ZMAT4: variants seen among roughly 807,000 people sequenced by gnomAD.
ZMAT4 encodes zinc finger matrin-type protein 4.
A neutral mutation model predicts 28.7 loss-of-function variants in ZMAT4; 17 were observed. The observed-to-expected ratio is 0.59, with a 90% CI of 0.41 to 0.89. ZMAT4 has a LOEUF of 0.89. Among genes scored for constraint, ZMAT4 ranks in the 40% least tolerant of loss-of-function variants. ZMAT4 has a pLI of 0.00. For synonymous variants in ZMAT4, 117 were observed against 109.2 expected, an observed-to-expected ratio of 1.07 and a Z score of -0.44; for missense variants, 240 against 283.8, an observed-to-expected ratio of 0.85 and a Z score of 1.11.
intron 2 of ZMAT4, among the ~76,000 whole-genome samples, chr8:40,801,352 A>AAAAAAAATATATATATATATATATG (rs774919666): frequency 8.9e-4 from 64 of 72,140 alleles, no homozygotes; most frequent in African/African-American, 2.6e-3. Flanking sequence ...AAAAAAAAAA[A>AAAAAAAATATATATATATATATATG]TATATATATA....
chr8:40,762,919 A>G (rs899279964), intron 3 of ZMAT4, among the ~76,000 whole-genome samples: 1 of 152,194 alleles, frequency 6.6e-6, no homozygotes, highest in Non-Finnish European at 1.5e-5. Flanking sequence ...CTAGAACTTC[A>G]TACTCAAGAA....
At chr8:40,620,141 A>G (rs1442177185) in intron 5 of ZMAT4, among the ~76,000 whole-genome samples, 1 of 152,128 alleles carries the variant, frequency 6.6e-6, no homozygotes, top group Non-Finnish European at 1.5e-5. Context: ...AGAGTATCTC[A>G]GCTTACTTAG....
intron 1 of ZMAT4, among the ~76,000 whole-genome samples, chr8:40,846,259 C>T (rs1816894641): frequency 6.6e-6 from 1 of 152,170 alleles, no homozygotes; most frequent in Admixed American, 6.5e-5. Context: ...CTCCCTGATC[C>T]ATGATCCATT....
chr8:40,745,877 C>G (rs192620971), intron 3 of ZMAT4, among the ~76,000 whole-genome samples: 2 of 152,232 alleles, frequency 1.3e-5, no homozygotes, highest in East Asian at 3.9e-4. Flanking sequence ...ATTGAACATA[C>G]AGTAATAAAA....
At chr8:40,809,178 A>G (rs1411226251) in intron 2 of ZMAT4, among the ~76,000 whole-genome samples, 2 of 152,246 alleles carry the variant, frequency 1.3e-5, no homozygotes, top group African/African-American at 4.8e-5. Context: ...TGAAGGCCAT[A>G]ATCTTAAATA....
At chr8:40,862,587 A>AC in intron 1 of ZMAT4, among the ~76,000 whole-genome samples, 1 of 143,460 alleles carries the variant, frequency 7.0e-6, no homozygotes, top group South Asian at 2.2e-4. Flanking sequence ...AAAAAATTAA[A>AC]AAAAAAAAAA....
intron 1 of ZMAT4, among the ~76,000 whole-genome samples, chr8:40,885,747 A>C (rs1818429765): frequency 1.3e-5 from 2 of 152,174 alleles, no homozygotes; most frequent in Admixed American, 1.3e-4. Context: ...AAGTGTCTCC[A>C]GCTTCAGGGT....
intron 1 of ZMAT4, among the ~76,000 whole-genome samples, chr8:40,884,176 C>T (rs1465616107): frequency 1.3e-5 from 2 of 151,674 alleles, no homozygotes; most frequent in Non-Finnish European, 2.9e-5. Flanking sequence ...CAAGAGGGTC[C>T]CCCACCCCGC....
At chr8:40,613,580 G>A in intron 5 of ZMAT4, among the ~76,000 whole-genome samples, 1 of 151,960 alleles carries the variant, frequency 6.6e-6, no homozygotes, top group East Asian at 1.9e-4. Flanking sequence ...CTTCCCTCCT[G>A]TCTTCTTCCC....
intron 1 of ZMAT4, among the ~76,000 whole-genome samples, chr8:40,862,468 C>T (rs1246118213): frequency 7.0e-6 from 1 of 143,506 alleles, no homozygotes; most frequent in East Asian, 2.2e-4. Flanking sequence ...ATACCTAATG[C>T]TAGACGACAC....
chr8:40,546,874 A>AT (rs1803218673), intron 6 of ZMAT4, among the ~76,000 whole-genome samples: 1 of 152,178 alleles, frequency 6.6e-6, no homozygotes, highest in Non-Finnish European at 1.5e-5. Flanking sequence ...GTTCCTCTGA[A>AT]CATAGATTCA....
At chr8:40,663,502 A>C (rs1440363406) in intron 5 of ZMAT4, among the ~76,000 whole-genome samples, 1 of 152,182 alleles carries the variant, frequency 6.6e-6, no homozygotes, top group Non-Finnish European at 1.5e-5. Flanking sequence ...GTGTGTTTGA[A>C]TAAGTGAATG....
chr8:40,715,688 T>C (rs1810820929), intron 3 of ZMAT4, among the ~76,000 whole-genome samples: 1 of 152,164 alleles, frequency 6.6e-6, no homozygotes, highest in African/African-American at 2.4e-5. Flanking sequence ...CTTTACGAGA[T>C]AAGATCTCCT....
At chr8:40,732,585 T>C (rs965830762) in intron 3 of ZMAT4, among the ~76,000 whole-genome samples, 1 of 152,214 alleles carries the variant, frequency 6.6e-6, no homozygotes, top group Admixed American at 6.5e-5. Flanking sequence ...ATTACCAAGA[T>C]GCCACAGGGG....
rs181356846 is a variant in ZMAT4 at position 40,749,693 on chromosome 8, T to C, written c.192+17948A>G. Among the ~76,000 whole-genome samples, 259 of 152,340 alleles carry C rather than the reference T, an allele frequency of 1.7e-3. 1 individual carries two copies. The highest frequency in any genetic ancestry group is 5.9e-3 in the African/African-American group (244 of 41,584). On this transcript the variant is annotated intron_variant, in intron 3 of 6. Transcript: ENST00000297737. Reference sequence around the variant, plus strand: ...AACCTGGGACTACTAAGGTCACTTATGCATGAAATGGTTGAGGCAGGAGTG... The same window carrying C: ...AACCTGGGACTACTAAGGTCACTTACGCATGAAATGGTTGAGGCAGGAGTG...
At chr8:40,858,186 G>A (rs1222325599) in intron 1 of ZMAT4, among the ~76,000 whole-genome samples, 6 of 152,178 alleles carry the variant, frequency 3.9e-5, no homozygotes, top group Non-Finnish European at 7.3e-5. Context: ...ACATGAAAAC[G>A]GGAATGTCAA....
chr8:40,563,965 G>A (rs1400198538), intron 6 of ZMAT4, among the ~76,000 whole-genome samples: 2 of 152,026 alleles, frequency 1.3e-5, no homozygotes, highest in African/African-American at 2.4e-5. Context: ...TCCACCCAGT[G>A]GCTGAGGAAA....
intron 6 of ZMAT4, among the ~76,000 whole-genome samples, chr8:40,553,940 T>C (rs1422438588): frequency 6.6e-6 from 1 of 152,122 alleles, no homozygotes; most frequent in Non-Finnish European, 1.5e-5. Flanking sequence ...CTTGATAACA[T>C]CAGTTTACAG....
intron 4 of ZMAT4, among the ~76,000 whole-genome samples, chr8:40,696,210 T>C (rs1809878589): frequency 6.6e-6 from 1 of 152,182 alleles, no homozygotes; most frequent in Non-Finnish European, 1.5e-5. Flanking sequence ...TGTTGTTTAG[T>C]TAAACTAAAT....
Sources: allele counts gnomAD v4.1 joint callset (sites outside exome capture counted in the v4.1 genomes callset), GRCh38; gene constraint gnomAD v4.1.1; transcripts MANE v1.5; gene names NCBI Gene and HGNC (gene_info 2026-07-23, HGNC 2026-07-21).